The following DCBLD1 variants were observed in gnomAD, a reference collection of about 807,000 sequenced individuals.
DCBLD1 encodes discoidin, CUB and LCCL domain containing 1, also known as discoidin, CUB and LCCL domain-containing protein 1.
In DCBLD1, 57 loss-of-function variants were observed where a neutral mutation model predicts 71.5. That is an observed-to-expected ratio of 0.80 (90% CI 0.64 to 0.99). The LOEUF is 0.99. Among genes scored for constraint, DCBLD1 ranks in the 50% least tolerant of loss-of-function variants. The pLI, the probability that DCBLD1 is intolerant of heterozygous loss-of-function variation, is 0.00. For synonymous variants in DCBLD1, 380 were observed against 363.8 expected (o/e 1.04, Z -0.51); for missense variants, 891 against 923.5 (o/e 0.96, Z 0.46).
At chr6:117,562,088 C>G (rs1779595296) in intron 14 of DCBLD1, 1 of 205,594 alleles carries the variant, frequency 4.9e-6, no homozygotes, top group Non-Finnish European at 9.9e-6. Flanking sequence ...TAGCAGGTTA[C>G]AATGACCTGC....
chr6:117,497,080 A>T (rs1359956834), intron 1 of DCBLD1, among the ~76,000 whole-genome samples: 7 of 152,246 alleles, frequency 4.6e-5, no homozygotes, highest in Non-Finnish European at 1.0e-4. Flanking sequence ...CTGTAATCCC[A>T]GCTAATCGGG....
At chr6:117,495,105 C>T (rs759972004) in intron 1 of DCBLD1, among the ~76,000 whole-genome samples, 1 of 152,164 alleles carries the variant, frequency 6.6e-6, no homozygotes, top group Non-Finnish European at 1.5e-5. Flanking sequence ...GTATCTACTT[C>T]AGGACATGCT....
intron 14 of DCBLD1, chr6:117,567,100 A>AT: frequency 8.0e-7 from 1 of 1,257,048 alleles, no homozygotes; most frequent in African/African-American, 1.5e-5. Context: ...GGATTTCCAA[A>AT]TTCTTTGTGG....
intron 7 of DCBLD1, among the ~76,000 whole-genome samples, chr6:117,537,662 C>CTTTTTTTTTTT (rs68032011): frequency 4.3e-5 from 2 of 46,876 alleles, no homozygotes; most frequent in African/African-American, 9.5e-5. Flanking sequence ...TACATAGCAC[C>CTTTTTTTTTTT]TTTTTTTTTT....
At chr6:117,506,072 A>AT (rs1284124751) in intron 2 of DCBLD1, among the ~76,000 whole-genome samples, 1 of 152,118 alleles carries the variant, frequency 6.6e-6, no homozygotes, top group Admixed American at 6.6e-5. Context: ...CTGTATTATT[A>AT]TTATCATTCA....
At position 117,482,907 on chromosome 6, in the gene DCBLD1, G is replaced by T. The variant is rs981943780; in HGVS notation, c.112+14G>T. 3 of 1,187,598 alleles carry T rather than the reference G, an allele frequency of 2.5e-6. No homozygotes were observed. The highest frequency in any genetic ancestry group is 3.1e-6 in the Non-Finnish European group (3 of 957,996). The allele number at this position is 1,187,598 out of a possible 1,614,324, so 73.6% of individuals were successfully genotyped here. On this transcript the variant is annotated intron_variant, in intron 1 of 14. Transcript: ENST00000338728. ...CGGAGGAGCTGGGTGAGTGGAGCGC[G>T]TCCGGCTGGCGGCGGGACCCGAGGC... is the stretch of plus-strand genomic sequence containing the variant.
At position 117,545,512 on chromosome 6, in the gene DCBLD1, A is replaced by G. The variant is rs1377227811; in HGVS notation, c.1530A>G (p.Arg510=). Residue 510 remains arginine (R), a synonymous_variant, in exon 14 of 15, where the codon AGA becomes AGG. Transcript: ENST00000338728. ...CWKQIKYPFA[R]HQSAEFTISY... ...AGCAGATTAAATATCCCTTTGCCAG[A>G]CATCAGTCAGCTGAGTTTACCATCA... 1 of 1,614,196 alleles carries G rather than the reference A, an allele frequency of 6.2e-7. No individual in the cohort carries two copies. Among genetic ancestry groups the G allele is most frequent in the Admixed American group, 1.7e-5 (1 of 60,020 alleles).
chr6:117,549,300 C>T lies in DCBLD1; in HGVS notation c.*861C>T, dbSNP rs576696856. 58 of 985,362 alleles carry T rather than the reference C, an allele frequency of 5.9e-5. No homozygotes were observed. The highest frequency in any genetic ancestry group is 5.7e-5 in the Non-Finnish European group (47 of 829,926). 61.0% of individuals were successfully genotyped at this position (985,362 alleles called of 1,614,324 possible). A position where few individuals can be genotyped will look rare whatever the true frequency, so the allele number is the denominator to read the frequency against. ...AGAAGTAGCACATTTTCGTGACTTCCGCTGTCCTCTGAAAAACAAAGTTAT... is the reference window on the plus strand; with the variant it reads ...AGAAGTAGCACATTTTCGTGACTTCTGCTGTCCTCTGAAAAACAAAGTTAT... On this transcript the variant is annotated 3_prime_UTR_variant, in exon 15 of 15. Coordinates refer to ENST00000338728, the MANE Select transcript of DCBLD1 (RefSeq NM_001366458.2).
chr6:117,559,799 CA>C (rs201107381), intron 14 of DCBLD1, among the ~76,000 whole-genome samples: 1 of 150,676 alleles, frequency 6.6e-6, no homozygotes, highest in Admixed American at 6.6e-5. Flanking sequence ...ATAAACTGAC[CA>C]AAAAAAAATT....
intron 9 of DCBLD1, chr6:117,540,344 G>A (rs550154946): frequency 8.6e-6 from 2 of 232,342 alleles, no homozygotes; most frequent in African/African-American, 4.4e-5. Context: ...AAGTGAGAGA[G>A]CTGAAGCCTT....
At position 117,532,409 on chromosome 6, in the gene DCBLD1, C is replaced by T. The variant is rs1418572417; in HGVS notation, c.719+16C>T. 6.3e-7 allele frequency: 1 copy of T among 1,592,104 alleles called. No individual in the cohort carries two copies. Among genetic ancestry groups the T allele is most frequent in the Non-Finnish European group, 8.5e-7 (1 of 1,171,604 alleles). On this transcript the variant is annotated intron_variant, in intron 6 of 14. Transcript: ENST00000338728. Reference sequence around the variant, plus strand: ...TTTCGAGGGAGTAAGTATTTTTTTTCAGTATCGTTTGTTCTGAGTAGAAGG... The same window carrying T: ...TTTCGAGGGAGTAAGTATTTTTTTTTAGTATCGTTTGTTCTGAGTAGAAGG...
intron 14 of DCBLD1, among the ~76,000 whole-genome samples, chr6:117,546,752 C>T (rs1779279185): frequency 6.6e-6 from 1 of 152,166 alleles, no homozygotes; most frequent in South Asian, 2.1e-4. Flanking sequence ...CAGCAGTGCC[C>T]TTCCCTGCAT....
chr6:117,515,580 T>C (rs939312539), intron 2 of DCBLD1, among the ~76,000 whole-genome samples: 1 of 152,212 alleles, frequency 6.6e-6, no homozygotes, highest in African/African-American at 2.4e-5. Flanking sequence ...ACAAACAGAA[T>C]AAGTTGGAAA....
rs1004180061 is a variant in DCBLD1, at chr6:117,547,670, T to C, written c.1616-237T>C. ...GTCCCCATGCCCCAGGACGTCGTCG[T>C]CGCCCCCATCTCTGAGAAGACCCTG... is the stretch of plus-strand genomic sequence containing the variant. On this transcript the variant is annotated intron_variant, in intron 14 of 14. Transcript: ENST00000338728. The C allele has an allele frequency of 1.6e-5, 13 of 814,010 alleles. No individual in the cohort carries two copies. In the African/African-American group the frequency reaches 1.7e-4, roughly 11 times the overall value. The allele number at this position is 814,010 out of a possible 1,614,324, so 50.4% of individuals were successfully genotyped here.
At position 117,540,948 on chromosome 6, in the gene DCBLD1, G is replaced by A; in HGVS notation, c.1280G>A (p.Ser427Asn). The A allele has an allele frequency of 1.2e-6, 2 of 1,614,162 alleles. No homozygotes were observed. Among genetic ancestry groups the A allele is most frequent in the Non-Finnish European group, 1.7e-6 (2 of 1,180,034 alleles). Residue 427 changes from serine (S) to asparagine (N), a missense_variant, in exon 11 of 15, where the codon AGT (serine) becomes AAT (asparagine). Ser to Asn is a conservative substitution (Grantham distance 46). Transcript: ENST00000338728. The part of the protein sequence containing the change: ...GNDSLVWRKT[S>N]QSTSVSTKKE... ...GATTCATTGGTGTGGCGCAAGACAA[G>A]TCAAAGCACCAGTGTTTCAACTAAG...
intron 1 of DCBLD1, among the ~76,000 whole-genome samples, chr6:117,490,823 A>G (rs1165022988): frequency 7.0e-6 from 1 of 142,978 alleles, no homozygotes. Context: ...TCTTCACAAA[A>G]TTAAAATCCT....
At chr6:117,507,629 CTCCCTTTGAAAAAATGCTAATA>C (rs1262684088) in intron 2 of DCBLD1, among the ~76,000 whole-genome samples, 1 of 152,172 alleles carries the variant, frequency 6.6e-6, no homozygotes, top group East Asian at 1.9e-4. Context: ...GTAACTGAGA[CTCCCTTTGAAAAAATGCTAATA>C]TCCCTTTTCC....
exon 15 of DCBLD1, chr6:117,569,748 A>AAC: frequency 6.4e-7 from 1 of 1,564,168 alleles, no homozygotes; most frequent in Non-Finnish European, 8.6e-7. Flanking sequence ...TAACAACAAC[A>AAC]AAGGGCAGTA....
At chr6:117,509,598 C>T (rs1324233919) in intron 2 of DCBLD1, among the ~76,000 whole-genome samples, 1 of 152,048 alleles carries the variant, frequency 6.6e-6, no homozygotes, top group Non-Finnish European at 1.5e-5. Flanking sequence ...CTCTACTTTA[C>T]TCTTCCCCTC....
Sources: gnomAD v4.1 joint callset for allele counts (sites outside exome capture counted in the v4.1 genomes callset) on GRCh38, gnomAD v4.1.1 for gene constraint, MANE v1.5 for transcripts, NCBI Gene and HGNC (gene_info 2026-07-23, HGNC 2026-07-21) for gene names.